The following HNRNPA1 variants were observed in gnomAD, a reference collection of about 807,000 sequenced individuals.
The protein encoded by HNRNPA1 is epididymis secretory sperm binding protein.
HNRNPA1 carries 7 observed loss-of-function variants against 44.4 expected under a neutral mutation model. That is an observed-to-expected ratio of 0.16 (90% CI 0.09 to 0.30). The LOEUF is 0.30. Ranked by LOEUF, HNRNPA1 falls within the 10% of genes least tolerant of loss-of-function variation. The probability of loss-of-function intolerance (pLI) is 1.00; values close to 1 mark genes in which losing one functional copy is unlikely to be tolerated. For missense variants in HNRNPA1, 193 were observed against 465.8 expected (o/e 0.41, Z 5.39); for synonymous variants, 169 against 160.6 (o/e 1.05, Z -0.40).
In HNRNPA1 at chr12:54,283,344, A is replaced by C. The variant is rs1020871317; in HGVS notation, c.907+110A>C. The C allele has an allele frequency of 7.2e-6, 9 of 1,254,676 alleles. No individual in the cohort carries two copies. The African/African-American group carries it at 1.3e-4, about 19-fold the overall frequency. 77.7% of individuals were successfully genotyped at this position (1,254,676 alleles called of 1,614,324 possible). A position where few individuals can be genotyped will look rare whatever the true frequency, so the allele number is the denominator to read the frequency against. The stretch of plus-strand genomic sequence containing the variant: ...GTGGTACACTGCATGGTATATTAAA[A>C]ACAAATGGGCTTGCTATGCTACCTC... On this transcript the variant is annotated intron_variant, in intron 8 of 10. Transcript: ENST00000340913.
chr12:54,281,235 GC>G (rs1380132479), intron 1 of HNRNPA1, 150 bp from the exon 2 acceptor site: 1 of 717,908 alleles, frequency 1.4e-6, no homozygotes, highest in Non-Finnish European at 2.5e-6. Context: ...CCAGCATACG[GC>G]CTCCCTTGAT....
In HNRNPA1 at chr12:54,281,191, C is replaced by T. The variant is rs539720712; in HGVS notation, c.16-195C>T. The T allele has an allele frequency of 6.1e-4, 423 of 696,124 alleles. 1 individual carries two copies. In the African/African-American group the frequency reaches 6.6e-3, roughly 11 times the overall value. 43.1% of individuals were successfully genotyped at this position (696,124 alleles called of 1,614,324 possible). On this transcript the variant is annotated intron_variant, in intron 1 of 10. Transcript: ENST00000340913. The stretch of plus-strand genomic sequence containing the variant: ...GCGTGCGTCGGAAGGCGACTAGGGA[C>T]GCATGCGCTTGCGATTTCCTAGCAC...
rs1944271644 is a variant in HNRNPA1, at chr12:54,286,912, T to A, written c.*2368T>A. 6.6e-6 allele frequency: 1 copy of A among 152,252 alleles called. No homozygotes were observed. Among genetic ancestry groups the A allele is most frequent in the African/African-American group, 2.4e-5 (1 of 41,466 alleles). 9.4% of individuals were successfully genotyped at this position (152,252 alleles called of 1,614,324 possible). On this transcript the variant is annotated 3_prime_UTR_variant, in exon 11 of 11. Transcript: ENST00000340913. ...ATATAACTGTGTAGTCATTCACCTC[T>A]GCTTATATGAATACTTTACAACCTC... is the stretch of plus-strand genomic sequence containing the variant.
At position 54,281,535 on chromosome 12, in the gene HNRNPA1, G is replaced by A. The variant is rs186328944; in HGVS notation, c.132+33G>A. 5.0e-4 allele frequency: 726 copies of A among 1,454,850 alleles called. 4 individuals are homozygous for A. In the African/African-American group the frequency reaches 8.9e-3, roughly 18 times the overall value. The allele number at this position is 1,454,850 out of a possible 1,614,324, so 90.1% of individuals were successfully genotyped here. The stretch of plus-strand genomic sequence containing the variant: ...TTGGAAGGGACAAAGCAGTAAAACA[G>A]CCGATTTCCTTGGCTTATCTTGGTG... On this transcript the variant is annotated intron_variant, in intron 2 of 10. Coordinates refer to ENST00000340913, the MANE Select transcript of HNRNPA1 (RefSeq NM_031157.4).
chr12:54,284,422 C>A, intron 10 of HNRNPA1, 105 bp downstream of exon 10: 1 of 1,037,684 alleles, frequency 9.6e-7, no homozygotes, highest in Non-Finnish European at 1.5e-6. Context: ...ATTATAATTG[C>A]AGTAATTGTG....
chr12:54,280,740 G>A lies in HNRNPA1; in HGVS notation c.-68G>A, dbSNP rs756560142. On this transcript the variant is annotated 5_prime_UTR_variant, in exon 1 of 11. Coordinates refer to ENST00000340913, the MANE Select transcript of HNRNPA1 (RefSeq NM_031157.4). Reference sequence around the variant, plus strand: ...GGTAGGCTGGCAGATACGTTCGTCAGCTTGCTCCTTTCTGCCCGTGGACGC... The same window carrying A: ...GGTAGGCTGGCAGATACGTTCGTCAACTTGCTCCTTTCTGCCCGTGGACGC... 6.3e-5 allele frequency: 100 copies of A among 1,592,568 alleles called. No individual in the cohort carries two copies. Among genetic ancestry groups the A allele is most frequent in the Non-Finnish European group, 8.2e-5 (95 of 1,160,686 alleles).
intron 8 of HNRNPA1, 156 bp from the exon 9 acceptor site, chr12:54,283,656 C>T: frequency 1.4e-6 from 1 of 735,092 alleles, no homozygotes; most frequent in Non-Finnish European, 2.3e-6. Flanking sequence ...CAACTGAATG[C>T]CTTTCCCAGA....
chr12:54,283,900 T>C lies in HNRNPA1; in HGVS notation c.996T>C (p.Asn332=). Residue 332 remains asparagine (N), a synonymous_variant, in exon 9 of 11, where the codon AAT becomes AAC. Transcript: ENST00000340913. ...SSNFGPMKGG[N]FGGRSSGPYG... ...ATTTTGGACCCATGAAGGGAGGAAA[T>C]TTTGGAGGCAGAAGCTCTGGCCCCT... is the stretch of plus-strand genomic sequence containing the variant. 6.2e-7 allele frequency: 1 copy of C among 1,611,904 alleles called. No homozygotes were observed.
chr12:54,281,535 GC>G (rs753279252), intron 2 of HNRNPA1, 33 bp downstream of exon 2: 4 of 1,454,854 alleles, frequency 2.7e-6, no homozygotes, highest in Non-Finnish European at 3.8e-6. Context: ...CAGTAAAACA[GC>G]CGATTTCCTT....
chr12:54,281,193 C>T, intron 1 of HNRNPA1, 193 bp from the exon 2 acceptor site: 3 of 696,456 alleles, frequency 4.3e-6, no homozygotes, highest in Non-Finnish European at 7.9e-6. Context: ...ACTAGGGACG[C>T]ATGCGCTTGC....
chr12:54,284,484 A>G, intron 10 of HNRNPA1, 65 bp from the exon 11 acceptor site: 1 of 740,994 alleles, frequency 1.3e-6, no homozygotes, highest in Non-Finnish European at 2.4e-6. Flanking sequence ...CAAACTTGAT[A>G]TTGGATTGTA....
intron 1 of HNRNPA1, chr12:54,281,165 C>T (rs1161072409): frequency 2.9e-6 from 2 of 696,848 alleles, no homozygotes; most frequent in South Asian, 1.5e-5. Flanking sequence ...GCCTTTGTTG[C>T]GCGTGCGTCG....
rs1438740792 is a variant in HNRNPA1 at position 54,283,287 on chromosome 12, G to T, written c.907+53G>T. ...GTGTGACAGCTAGATTAGCCTTTTA[G>T]AGCTTGGGTTCTGGTGCTGTTGAAG... is the stretch of plus-strand genomic sequence containing the variant. On this transcript the variant is annotated intron_variant, in intron 8 of 10. Coordinates refer to ENST00000340913, the MANE Select transcript of HNRNPA1 (RefSeq NM_031157.4). The T allele has an allele frequency of 1.1e-5, 17 of 1,584,254 alleles. No individual in the cohort carries two copies. The Middle Eastern group carries it at 2.2e-3, about 201-fold the overall frequency.
At position 54,282,801 on chromosome 12, in the gene HNRNPA1, T is replaced by C. The variant is rs1174895719; in HGVS notation, c.678T>C (p.Gly226=). The C allele has an allele frequency of 1.3e-6, 2 of 1,552,632 alleles. No homozygotes were observed. Among genetic ancestry groups the C allele is most frequent in the East Asian group, 4.9e-5 (2 of 40,982 alleles). Residue 226 remains glycine, a splice_region_variant and synonymous_variant, in exon 7 of 11, where the codon GGT becomes GGC. Coordinates refer to ENST00000340913, the MANE Select transcript of HNRNPA1 (RefSeq NM_031157.4). ...AAAACTTGAAACTTTTTCTTACAGG[T>C]GGCTTTGGTGGCAGCCGTGGTGGTG... The part of the protein sequence containing the change: ...FGRGGNFSGR[G]GFGGSRGGGG...
chr12:54,280,852 T>A, intron 1 of HNRNPA1, 30 bp downstream of exon 1: 1 of 1,613,394 alleles, frequency 6.2e-7, no homozygotes. Flanking sequence ...CCACTTGAAT[T>A]TTTTCCTCTC....
chr12:54,284,099 G>A (rs1592173877), intron 9 of HNRNPA1, 132 bp downstream of exon 9: 2 of 1,324,220 alleles, frequency 1.5e-6, no homozygotes, highest in Non-Finnish European at 2.1e-6. Flanking sequence ...GTGATAATTT[G>A]ATCACAAATT....
chr12:54,282,360 CT>C, intron 4 of HNRNPA1, 33 bp from the exon 5 acceptor site: 3 of 1,609,880 alleles, frequency 1.9e-6, no homozygotes, highest in Non-Finnish European at 2.6e-6. Context: ...ATTCTAAACC[CT>C]GATACCATGT....
intron 3 of HNRNPA1, 42 bp from the exon 4 acceptor site, chr12:54,282,048 A>T: frequency 6.2e-7 from 1 of 1,603,702 alleles, no homozygotes. Context: ...TTATTCGAGT[A>T]TAGGCTTTGC....
chr12:54,281,759 C>A, intron 2 of HNRNPA1, 36 bp from the exon 3 acceptor site: 1 of 1,585,534 alleles, frequency 6.3e-7, no homozygotes, highest in Non-Finnish European at 8.6e-7. Context: ...CTTTTGCGGT[C>A]AGACTTTGTG....
Sources: allele counts gnomAD v4.1 joint callset, GRCh38; gene constraint gnomAD v4.1.1; transcripts MANE v1.5; gene names NCBI Gene and HGNC (gene_info 2026-07-23, HGNC 2026-07-21).